GRIN2A: variants seen among roughly 807,000 people sequenced by gnomAD.
GRIN2A encodes the protein glutamate receptor ionotropic, NMDA 2A.
A neutral mutation model predicts 113.4 loss-of-function variants in GRIN2A; 22 were observed. The observed-to-expected ratio is 0.19, with a 90% confidence interval of 0.14 to 0.28. The LOEUF is 0.28. Ranked by LOEUF, GRIN2A falls within the 10% of genes least tolerant of loss-of-function variation. The pLI is 1.00. For synonymous variants in GRIN2A, 827 were observed against 738.4 expected (o/e 1.12, Z -1.94); for missense variants, 1,502 against 1,887.0 (o/e 0.80, Z 3.78).
intron 2 of GRIN2A, among the ~76,000 whole-genome samples, chr16:10,177,484 C>T (rs1371227623): frequency 1.3e-5 from 2 of 152,158 alleles, no homozygotes; most frequent in African/African-American, 4.8e-5. Flanking sequence ...TCAGGAGTAT[C>T]GAATCCCCTC....
chr16:9,813,296 G>A (rs376805017), intron 10 of GRIN2A, among the ~76,000 whole-genome samples: 7 of 152,090 alleles, frequency 4.6e-5, no homozygotes, highest in East Asian at 3.8e-4. Flanking sequence ...CATATGCACC[G>A]ACTCAACTTG....
chr16:9,993,161 A>G (rs1283765504), intron 2 of GRIN2A, among the ~76,000 whole-genome samples: 1 of 151,708 alleles, frequency 6.6e-6, no homozygotes, highest in Admixed American at 6.6e-5. Flanking sequence ...TGAACCCTAG[A>G]GGCAGAGGTT....
intron 2 of GRIN2A, among the ~76,000 whole-genome samples, chr16:10,045,465 T>C (rs532383857): frequency 1.3e-5 from 2 of 152,084 alleles, no homozygotes; most frequent in Non-Finnish European, 2.9e-5. Flanking sequence ...ACTCCGAATC[T>C]GCACTGCTCT....
chr16:9,771,539 T>A (rs2141158092), intron 11 of GRIN2A, among the ~76,000 whole-genome samples: 1 of 152,180 alleles, frequency 6.6e-6, no homozygotes, highest in South Asian at 2.1e-4. Flanking sequence ...AAACCTCTAG[T>A]CTTTCAGATT....
intron 2 of GRIN2A, among the ~76,000 whole-genome samples, chr16:10,109,429 G>C (rs1208067427): frequency 1.3e-5 from 2 of 151,924 alleles, no homozygotes; most frequent in African/African-American, 4.8e-5. Flanking sequence ...TATGAGGATA[G>C]TATTACCCTG....
intron 2 of GRIN2A, among the ~76,000 whole-genome samples, chr16:10,152,834 C>G (rs866400647): frequency 7.2e-5 from 11 of 152,296 alleles, no homozygotes; most frequent in Middle Eastern, 3.4e-3. Flanking sequence ...AGAAGCCAAT[C>G]TGAAAAGGTT....
At chr16:10,061,327 G>A (rs1181812595) in intron 2 of GRIN2A, among the ~76,000 whole-genome samples, 2 of 152,100 alleles carry the variant, frequency 1.3e-5, no homozygotes, top group Non-Finnish European at 2.9e-5. Context: ...CCTACCTCCA[G>A]GCTGCTTTAA....
At chr16:10,110,045 TC>T (rs1231112689) in intron 2 of GRIN2A, among the ~76,000 whole-genome samples, 2 of 151,436 alleles carry the variant, frequency 1.3e-5, no homozygotes, top group Non-Finnish European at 2.9e-5. Context: ...ATGCTATCCC[TC>T]CCCCATCCCC....
At chr16:9,983,647 G>T (rs980281214) in intron 2 of GRIN2A, among the ~76,000 whole-genome samples, 1 of 152,104 alleles carries the variant, frequency 6.6e-6, no homozygotes, top group Non-Finnish European at 1.5e-5. Flanking sequence ...CACTGCGTTA[G>T]CCAGGATAGT....
At chr16:9,868,881 T>C (rs2043208235) in intron 4 of GRIN2A, among the ~76,000 whole-genome samples, 1 of 152,120 alleles carries the variant, frequency 6.6e-6, no homozygotes, top group African/African-American at 2.4e-5. Context: ...GAAAACCCCT[T>C]CCCACTCTCT....
intron 2 of GRIN2A, among the ~76,000 whole-genome samples, chr16:10,054,069 T>C (rs1396272762): frequency 6.6e-6 from 1 of 151,976 alleles, no homozygotes. Context: ...AATAAGAAGT[T>C]AAAATTTAAT....
chr16:9,960,242 G>A (rs1224300904), intron 2 of GRIN2A, among the ~76,000 whole-genome samples: 2 of 152,190 alleles, frequency 1.3e-5, no homozygotes, highest in East Asian at 1.9e-4. Flanking sequence ...CAGACACAGA[G>A]TTTATAACAA....
chr16:9,986,544 C>G (rs1478997923), intron 2 of GRIN2A, among the ~76,000 whole-genome samples: 1 of 152,014 alleles, frequency 6.6e-6, no homozygotes, highest in Non-Finnish European at 1.5e-5. Flanking sequence ...GTGGGCGGAT[C>G]ATGAGGTCAG....
chr16:9,858,018 T>C (rs1210208072), intron 4 of GRIN2A, among the ~76,000 whole-genome samples: 1 of 152,180 alleles, frequency 6.6e-6, no homozygotes, highest in East Asian at 1.9e-4. Context: ...CATTTTCCCT[T>C]GGAGAGATGC....
intron 2 of GRIN2A, among the ~76,000 whole-genome samples, chr16:9,989,035 C>T (rs1008258743): frequency 1.3e-5 from 2 of 152,130 alleles, no homozygotes; most frequent in Admixed American, 1.3e-4. Flanking sequence ...GCTCTCTGAA[C>T]ATCCATCTTC....
intron 4 of GRIN2A, among the ~76,000 whole-genome samples, chr16:9,882,275 G>A (rs764178243): frequency 1.3e-5 from 2 of 152,046 alleles, no homozygotes; most frequent in African/African-American, 2.4e-5. Context: ...TGCACCCCAC[G>A]CATCACTATG....
At chr16:10,128,951 C>T (rs6497716) in intron 2 of GRIN2A, among the ~76,000 whole-genome samples, 132,447 of 152,300 alleles carry the variant, frequency 0.87, 57,814 homozygotes, top group East Asian at 1. Context: ...CATATGTGCA[C>T]GAGTGTGTCT....
intron 2 of GRIN2A, among the ~76,000 whole-genome samples, chr16:10,004,046 C>T (rs961016137): frequency 2.0e-5 from 3 of 152,158 alleles, no homozygotes; most frequent in Non-Finnish European, 2.9e-5. Flanking sequence ...GAAAGGGAAT[C>T]AAAAGGGGGC....
At chr16:9,990,978 A>C (rs1328834016) in intron 2 of GRIN2A, among the ~76,000 whole-genome samples, 1 of 152,146 alleles carries the variant, frequency 6.6e-6, no homozygotes, top group African/African-American at 2.4e-5. Context: ...GAGGCAGGAG[A>C]ATGGCTTGAG....
Sources: gnomAD v4.1 joint callset for allele counts (sites outside exome capture counted in the v4.1 genomes callset) on GRCh38, gnomAD v4.1.1 for gene constraint, MANE v1.5 for transcripts, NCBI Gene and HGNC (gene_info 2026-07-23, HGNC 2026-07-21) for gene names.